ST3GAL1: variants seen among roughly 807,000 people sequenced by gnomAD.
ST3GAL1 encodes CMP-N-acetylneuraminate-beta-galactosamide-alpha-2,3-sialyltransferase 1.
ST3GAL1 carries 16 observed loss-of-function variants against 34.1 expected under a neutral mutation model. The observed-to-expected ratio is 0.47, with a 90% CI of 0.32 to 0.71. The LOEUF is 0.71. ST3GAL1 is among the 30% of genes least tolerant of loss of function. The pLI is 0.04. For synonymous variants in ST3GAL1, 191 were observed against 184.7 expected (o/e 1.03, Z -0.28); for missense variants, 353 against 447.4 (o/e 0.79, Z 1.90).
intron 3 of ST3GAL1, among the ~76,000 whole-genome samples, chr8:133,484,190 T>C (rs1326757003): frequency 1.3e-5 from 2 of 152,196 alleles, no homozygotes; most frequent in African/African-American, 2.4e-5. Context: ...GTTTGATTCC[T>C]AAATTTCCGA....
chr8:133,502,137 A>G (rs1269832275), intron 2 of ST3GAL1, among the ~76,000 whole-genome samples: 2 of 152,158 alleles, frequency 1.3e-5, no homozygotes, highest in African/African-American at 2.4e-5. Flanking sequence ...GGAATAGCCA[A>G]TATGATAATG....
intron 5 of ST3GAL1, among the ~76,000 whole-genome samples, chr8:133,471,050 C>T (rs1026189199): frequency 5.3e-5 from 8 of 152,138 alleles, no homozygotes; most frequent in Admixed American, 4.6e-4. Context: ...AATGATGCAT[C>T]GCCTTCTGAG....
At position 133,549,725 on chromosome 8, in the gene ST3GAL1, G is replaced by C. The variant is rs78940861; in HGVS notation, c.-581-3799C>G. ...CGCCTGTAATCCTAACACTTTGGGAGGCCGAGGTGGGCAAATCACCTGAGG... is the reference window on the plus strand; with the variant it reads ...CGCCTGTAATCCTAACACTTTGGGACGCCGAGGTGGGCAAATCACCTGAGG... On this transcript the variant is annotated intron_variant, in intron 1 of 9. Transcript: ENST00000522652. Among the ~76,000 whole-genome samples, 3,300 of 152,290 alleles carry C rather than the reference G, an allele frequency of 0.022. 203 individuals are homozygous for C. In the East Asian group the frequency reaches 0.23, roughly 11 times the overall value.
At chr8:133,506,596 C>T (rs554056357) in intron 2 of ST3GAL1, among the ~76,000 whole-genome samples, 1 of 151,600 alleles carries the variant, frequency 6.6e-6, no homozygotes, top group Non-Finnish European at 1.5e-5. Context: ...ACCAGCCTGG[C>T]CAACATGGTG....
intron 2 of ST3GAL1, among the ~76,000 whole-genome samples, chr8:133,502,318 C>T (rs1817179929): frequency 6.6e-6 from 1 of 151,892 alleles, no homozygotes; most frequent in South Asian, 2.1e-4. Flanking sequence ...TATGTTGATG[C>T]CTTAACCCTC....
intron 2 of ST3GAL1, among the ~76,000 whole-genome samples, chr8:133,540,018 C>CAGT (rs1456529529): frequency 1.3e-5 from 2 of 152,192 alleles, no homozygotes; most frequent in African/African-American, 2.4e-5. Context: ...GGAAGGCACT[C>CAGT]AGTAAGTATT....
intron 3 of ST3GAL1, among the ~76,000 whole-genome samples, chr8:133,498,533 T>C (rs1817042009): frequency 6.6e-6 from 1 of 152,090 alleles, no homozygotes; most frequent in Admixed American, 6.5e-5. Context: ...TGAGCTCTGC[T>C]TGTCCCTGAC....
At chr8:133,511,627 G>A (rs987540001) in intron 2 of ST3GAL1, among the ~76,000 whole-genome samples, 4 of 152,168 alleles carry the variant, frequency 2.6e-5, no homozygotes, top group East Asian at 1.9e-4. Flanking sequence ...TGATGCCAAC[G>A]TGCCACACCA....
chr8:133,557,442 T>C (rs552547871), intron 1 of ST3GAL1, among the ~76,000 whole-genome samples: 1 of 152,056 alleles, frequency 6.6e-6, no homozygotes, highest in African/African-American at 2.4e-5. Flanking sequence ...GATAACTGAG[T>C]GGTAATGCAG....
At chr8:133,535,690 T>C (rs1233797948) in intron 2 of ST3GAL1, among the ~76,000 whole-genome samples, 2 of 152,140 alleles carry the variant, frequency 1.3e-5, no homozygotes, top group Admixed American at 1.3e-4. Flanking sequence ...AATCTCGCTA[T>C]GTTGCCCAAG....
chr8:133,540,932 G>C (rs868382040), intron 2 of ST3GAL1, among the ~76,000 whole-genome samples: 8 of 27,978 alleles, frequency 2.9e-4, no homozygotes, highest in African/African-American at 6.5e-4. Context: ...TATATATATA[G>C]ACATATATAG....
intron 2 of ST3GAL1, among the ~76,000 whole-genome samples, chr8:133,526,374 T>C (rs1817975132): frequency 6.6e-6 from 1 of 152,174 alleles, no homozygotes; most frequent in African/African-American, 2.4e-5. Context: ...GAAAAGTTCA[T>C]GAAGGCTCCT....
chr8:133,478,443 C>A (rs569324758), intron 3 of ST3GAL1, among the ~76,000 whole-genome samples: 1 of 152,148 alleles, frequency 6.6e-6, no homozygotes, highest in Non-Finnish European at 1.5e-5. Flanking sequence ...CTGAACAACC[C>A]GAACAAATGG....
chr8:133,550,559 T>G (rs971796855), intron 1 of ST3GAL1, among the ~76,000 whole-genome samples: 2 of 152,190 alleles, frequency 1.3e-5, no homozygotes, highest in Non-Finnish European at 2.9e-5. Context: ...GGCGAATTAC[T>G]ATCATCCTGT....
At chr8:133,565,223 C>G (rs374722421) in intron 1 of ST3GAL1, among the ~76,000 whole-genome samples, 26 of 151,464 alleles carry the variant, frequency 1.7e-4, no homozygotes, top group East Asian at 7.8e-4. Flanking sequence ...TAATCCACCT[C>G]CACCTTGTCC....
intron 1 of ST3GAL1, among the ~76,000 whole-genome samples, chr8:133,559,149 T>G (rs1819146547): frequency 1.3e-5 from 2 of 152,160 alleles, no homozygotes; most frequent in African/African-American, 4.8e-5. Flanking sequence ...GGTGATATTT[T>G]TATGAACAGA....
intron 2 of ST3GAL1, among the ~76,000 whole-genome samples, chr8:133,519,109 T>C (rs1301901551): frequency 6.6e-6 from 1 of 151,372 alleles, no homozygotes; most frequent in Non-Finnish European, 1.5e-5. Context: ...AGGGGCCTGG[T>C]GAGGGCAGGC....
chr8:133,528,826 C>T (rs912807759), intron 2 of ST3GAL1, among the ~76,000 whole-genome samples: 3 of 152,228 alleles, frequency 2.0e-5, no homozygotes, highest in Non-Finnish European at 2.9e-5. Flanking sequence ...CCCTCTCCAC[C>T]CCAGGGCTTT....
intron 3 of ST3GAL1, among the ~76,000 whole-genome samples, chr8:133,482,174 C>T (rs557146849): frequency 6.6e-6 from 1 of 152,100 alleles, no homozygotes; most frequent in Non-Finnish European, 1.5e-5. Context: ...GGGGGGTCTT[C>T]GCACCTCAAG....
Sources: gnomAD v4.1 joint callset for allele counts (sites outside exome capture counted in the v4.1 genomes callset) on GRCh38, gnomAD v4.1.1 for gene constraint, MANE v1.5 for transcripts, NCBI Gene and HGNC (gene_info 2026-07-23, HGNC 2026-07-21) for gene names.